Variants in NKAIN1 observed in about 807,000 individuals in gnomAD.
NKAIN1 encodes the protein sodium/potassium-transporting ATPase subunit beta-1-interacting protein 1.
In NKAIN1, 13 loss-of-function variants were observed where a neutral mutation model predicts 31.6. The ratio of observed to expected loss-of-function variants is 0.41; its 90% confidence interval spans 0.27 to 0.65. NKAIN1 has a LOEUF of 0.65. Among genes scored for constraint, NKAIN1 ranks in the 30% least tolerant of loss-of-function variants. NKAIN1 has a pLI of 0.30. For synonymous variants in NKAIN1, 104 were observed against 109.0 expected (o/e 0.95, Z 0.28); for missense variants, 193 against 262.2 (o/e 0.74, Z 1.82).
rs1224873325 is a variant in NKAIN1 at position 31,186,402 on chromosome 1, T to TTG, written c.193-1076_193-1075insCA. 2.7e-5 allele frequency among the ~76,000 whole-genome samples: 4 copies of TTG among 148,750 alleles called. No individual in the cohort carries two copies. The East Asian group carries it at 7.8e-4, about 29-fold the overall frequency. ...AGTCTTAATTCTTTTGTGTTTTTTTTTTTTTTTTTTTTTTTAAGACAAGAT... is the reference window on the plus strand; with the variant it reads ...AGTCTTAATTCTTTTGTGTTTTTTTTTGTTTTTTTTTTTTTTTAAGACAAGAT... On this transcript the variant is annotated intron_variant, in intron 2 of 6. Coordinates refer to ENST00000373736, the MANE Select transcript of NKAIN1 (RefSeq NM_024522.3).
At position 31,211,810 on chromosome 1, in the gene NKAIN1, C is replaced by T. The variant is rs558266992; in HGVS notation, c.55-23623G>A. 2.0e-5 allele frequency among the ~76,000 whole-genome samples: 3 copies of T among 152,114 alleles called. No homozygotes were observed. In the East Asian group the frequency reaches 5.8e-4, roughly 29 times the overall value. ...ACAAAACATTAGCCAGGCGTGGTGA[C>T]GCATGCCTGTAGTCCTAGCTACTCA... is the stretch of plus-strand genomic sequence containing the variant. On this transcript the variant is annotated intron_variant, in intron 1 of 6. Coordinates refer to ENST00000373736, the MANE Select transcript of NKAIN1 (RefSeq NM_024522.3).
At chr1:31,186,406 T>G (rs1645244995) in intron 2 of NKAIN1, among the ~76,000 whole-genome samples, 2 of 148,880 alleles carry the variant, frequency 1.3e-5, no homozygotes, top group Non-Finnish European at 3.0e-5. Context: ...TTTTTTTTTT[T>G]TTTTTTTTTT....
chr1:31,192,201 G>A (rs560743979), intron 1 of NKAIN1, among the ~76,000 whole-genome samples: 1 of 152,302 alleles, frequency 6.6e-6, no homozygotes, highest in South Asian at 2.1e-4. Context: ...AGTGGGGGCT[G>A]TTCTTCCCAT....
At chr1:31,211,759 A>G (rs1208080065) in intron 1 of NKAIN1, among the ~76,000 whole-genome samples, 2 of 152,082 alleles carry the variant, frequency 1.3e-5, no homozygotes, top group African/African-American at 4.8e-5. Flanking sequence ...TGGCTAACAT[A>G]GTGAAATTTC....
chr1:31,202,552 C>T (rs981575724), intron 1 of NKAIN1, among the ~76,000 whole-genome samples: 5 of 151,214 alleles, frequency 3.3e-5, no homozygotes, highest in African/African-American at 4.9e-5. Flanking sequence ...TGGTGGGCAC[C>T]TGTAGTCCCA....
chr1:31,219,957 A>G (rs1162523382), intron 1 of NKAIN1, among the ~76,000 whole-genome samples: 1 of 151,500 alleles, frequency 6.6e-6, no homozygotes, highest in East Asian at 1.9e-4. Context: ...CAGGCTATTC[A>G]ACTCCACCCT....
chr1:31,239,018 G>A lies in NKAIN1; in HGVS notation c.54+476C>T, dbSNP rs1645712450. ...CAAAGAGAAACCCTGAGAGACACAC[G>A]CCGGAGCAGAGACTTTGTGAGAAAC... is the stretch of plus-strand genomic sequence containing the variant. On this transcript the variant is annotated intron_variant, in intron 1 of 6. Coordinates refer to ENST00000373736, the MANE Select transcript of NKAIN1 (RefSeq NM_024522.3). This position sits in a 1 kb window ranked among gnomAD's most constrained non-coding sequence, Gnocchi z 4.8. Among the ~76,000 whole-genome samples the A allele has an allele frequency of 6.6e-6, 1 of 152,134 alleles. No homozygotes were observed. The highest frequency in any genetic ancestry group is 2.1e-4 in the South Asian group (1 of 4,822).
intron 1 of NKAIN1, among the ~76,000 whole-genome samples, chr1:31,214,977 G>A (rs1182618160): frequency 6.6e-6 from 1 of 152,222 alleles, no homozygotes; most frequent in East Asian, 1.9e-4. Context: ...GAGGCGTTAA[G>A]CACCTACGGT....
chr1:31,223,268 C>T (rs777228580), intron 1 of NKAIN1, among the ~76,000 whole-genome samples: 11 of 148,378 alleles, frequency 7.4e-5, no homozygotes, highest in African/African-American at 1.2e-4. Context: ...CCCAAATGCT[C>T]GGGAGGCTGA....
At chr1:31,202,651 T>G (rs1301518500) in intron 1 of NKAIN1, among the ~76,000 whole-genome samples, 1 of 121,898 alleles carries the variant, frequency 8.2e-6, no homozygotes, top group Admixed American at 1.1e-4. Context: ...CACTCCAGCC[T>G]GGGCGACAGA....
At chr1:31,192,555 A>AT (rs112203150) in intron 1 of NKAIN1, among the ~76,000 whole-genome samples, 8,534 of 146,564 alleles carry the variant, frequency 0.058, 495 homozygotes, top group African/African-American at 0.15. Context: ...ATTTAAATGA[A>AT]TTTTTTTTTT....
At chr1:31,228,334 G>A (rs1263899324) in intron 1 of NKAIN1, among the ~76,000 whole-genome samples, 1 of 152,152 alleles carries the variant, frequency 6.6e-6, no homozygotes, top group East Asian at 1.9e-4. Context: ...GGTGGCCAGA[G>A]CAGGCAAAGG....
chr1:31,209,796 G>A (rs1256600490), intron 1 of NKAIN1, among the ~76,000 whole-genome samples: 2 of 151,620 alleles, frequency 1.3e-5, no homozygotes, highest in African/African-American at 2.4e-5. Flanking sequence ...CAGTCTGGGT[G>A]ACAAAGTGAG....
At chr1:31,235,149 A>AATG (rs759736481) in intron 1 of NKAIN1, among the ~76,000 whole-genome samples, 53 of 152,300 alleles carry the variant, frequency 3.5e-4, no homozygotes, top group South Asian at 1.2e-3. Context: ...TGGGAATGAT[A>AATG]ATGATGATGA....
intron 1 of NKAIN1, among the ~76,000 whole-genome samples, chr1:31,232,461 A>AGG (rs1645661212): frequency 9.6e-5 from 12 of 124,390 alleles, no homozygotes; most frequent in African/African-American, 3.7e-4. Flanking sequence ...AGAGAGAGAG[A>AGG]GAGAGAGAGA....
At chr1:31,217,679 T>C (rs1645523755) in intron 1 of NKAIN1, among the ~76,000 whole-genome samples, 1 of 152,116 alleles carries the variant, frequency 6.6e-6, no homozygotes, top group South Asian at 2.1e-4. Flanking sequence ...ACACGCCCAG[T>C]CTCCATCCCT....
chr1:31,182,666 C>T (rs896722941), intron 4 of NKAIN1, 76 bp from the exon 5 acceptor site: 90 of 1,531,960 alleles, frequency 5.9e-5, no homozygotes, highest in Middle Eastern at 1.7e-4. Flanking sequence ...GGGCCCTGTA[C>T]GCTCTGACTG....
intron 1 of NKAIN1, among the ~76,000 whole-genome samples, chr1:31,217,147 T>G (rs113817485): frequency 0.071 from 10,789 of 152,146 alleles, 506 homozygotes; most frequent in Admixed American, 0.16. Flanking sequence ...ATTACAGGCA[T>G]GAGCCACCGT....
intron 1 of NKAIN1, among the ~76,000 whole-genome samples, chr1:31,208,030 C>T (rs928994631): frequency 1.3e-5 from 2 of 152,108 alleles, no homozygotes; most frequent in African/African-American, 4.8e-5. Flanking sequence ...GGCCGCTGGG[C>T]CCCCAAAGCA....
Sources: gnomAD v4.1 joint callset for allele counts (sites outside exome capture counted in the v4.1 genomes callset) on GRCh38, gnomAD v4.1.1 for gene constraint, Gnocchi (gnomAD v3.1) non-coding constraint, MANE v1.5 for transcripts, NCBI Gene and HGNC (gene_info 2026-07-23, HGNC 2026-07-21) for gene names.